The following DNAJC6 variants were observed in gnomAD, a reference collection of about 807,000 sequenced individuals.
DNAJC6 encodes the protein DnaJ heat shock protein family (Hsp40) member C6, also known as auxilin.
Under a neutral mutation model 110.0 loss-of-function variants are expected in DNAJC6, and 34 were observed. That is an observed-to-expected ratio of 0.31 (90% CI 0.24 to 0.41). The LOEUF is 0.41. Ranked by LOEUF, DNAJC6 falls within the 10% of genes least tolerant of loss-of-function variation. The pLI is 1.00. For synonymous variants in DNAJC6, 406 were observed against 437.2 expected, an observed-to-expected ratio of 0.93 and a Z score of 0.89; for missense variants, 1,031 against 1,207.8, an observed-to-expected ratio of 0.85 and a Z score of 2.17.
intron 1 of DNAJC6, among the ~76,000 whole-genome samples, chr1:65,363,203 TG>T (rs1278682130): frequency 1.3e-5 from 2 of 152,124 alleles, no homozygotes; most frequent in Non-Finnish European, 2.9e-5. Context: ...CCCTGACCCG[TG>T]GAGATTACAA....
intron 1 of DNAJC6, among the ~76,000 whole-genome samples, chr1:65,269,980 C>T (rs956110607): frequency 1.3e-5 from 2 of 152,246 alleles, no homozygotes; most frequent in Non-Finnish European, 2.9e-5. Flanking sequence ...ACCTTCTATA[C>T]TTTTCTGGGC....
chr1:65,282,895 T>C lies in DNAJC6; in HGVS notation c.-131+17963T>C, dbSNP rs75520284. Among the ~76,000 whole-genome samples the C allele has an allele frequency of 7.9e-5, 12 of 152,374 alleles. No individual in the cohort carries two copies. The East Asian group carries it at 2.3e-3, about 29-fold the overall frequency. On this transcript the variant is annotated intron_variant, in intron 1 of 19. Transcript: ENST00000263441. ...ACAATTATACCTCCAGTGTTTGATA[T>C]GGAACCTGGCATACATGAGTCATTC...
intron 4 of DNAJC6, among the ~76,000 whole-genome samples, 198 bp downstream of exon 4, chr1:65,366,394 A>G (rs1252981884): frequency 6.6e-6 from 1 of 152,186 alleles, no homozygotes; most frequent in Non-Finnish European, 1.5e-5. Flanking sequence ...TACTTACAGG[A>G]AAGTGTATCT....
intron 1 of DNAJC6, among the ~76,000 whole-genome samples, chr1:65,287,505 C>G (rs977779683): frequency 1.3e-5 from 2 of 152,138 alleles, no homozygotes; most frequent in African/African-American, 4.8e-5. Context: ...TCTTTTTAGA[C>G]TTTGGAGACT....
At chr1:65,366,344 G>A in intron 4 of DNAJC6, 148 bp downstream of exon 4, 1 of 849,656 alleles carries the variant, frequency 1.2e-6, no homozygotes, top group Non-Finnish European at 1.8e-6. Flanking sequence ...TATTTATTAG[G>A]CTGCTATGAG....
At position 65,413,923 on chromosome 1, in the gene DNAJC6, C is replaced by T. The variant is rs991644850; in HGVS notation, c.*898C>T. Reference sequence around the variant, plus strand: ...GGAAACAGGTGGTAAAGTAGTTTGGCCTGTTCACAACTTATCAGGACCAAT... The same window carrying T: ...GGAAACAGGTGGTAAAGTAGTTTGGTCTGTTCACAACTTATCAGGACCAAT... On this transcript the variant is annotated 3_prime_UTR_variant, in exon 19 of 19. Coordinates refer to ENST00000371069, the MANE Select transcript of DNAJC6 (RefSeq NM_001256864.2). The T allele has an allele frequency of 6.6e-6, 1 of 152,088 alleles. No homozygotes were observed. Among genetic ancestry groups the T allele is most frequent in the Admixed American group, 6.6e-5 (1 of 15,258 alleles). The allele number at this position is 152,088 out of a possible 1,614,324, so 9.4% of individuals were successfully genotyped here.
chr1:65,383,975 A>G, intron 5 of DNAJC6: 1 of 399,512 alleles, frequency 2.5e-6, no homozygotes, highest in Non-Finnish European at 4.3e-6. Context: ...CTCAGATTAG[A>G]ATCAATTTTA....
intron 11 of DNAJC6, among the ~76,000 whole-genome samples, chr1:65,391,368 A>G (rs1025458616): frequency 1.3e-5 from 2 of 152,146 alleles, no homozygotes; most frequent in Admixed American, 6.6e-5. Context: ...ATCTGGCATT[A>G]AATATCAAAT....
chr1:65,333,722 A>C (rs1370787135), intron 1 of DNAJC6, among the ~76,000 whole-genome samples: 1 of 152,098 alleles, frequency 6.6e-6, no homozygotes, highest in Non-Finnish European at 1.5e-5. Flanking sequence ...ATAACTGCAA[A>C]TTTTGTTTCA....
At chr1:65,291,213 A>G (rs1644872252) in intron 1 of DNAJC6, among the ~76,000 whole-genome samples, 1 of 152,264 alleles carries the variant, frequency 6.6e-6, no homozygotes, top group Admixed American at 6.5e-5. Context: ...TTGTATTTTT[A>G]TTAGAGACGG....
intron 4 of DNAJC6, among the ~76,000 whole-genome samples, chr1:65,368,717 C>CCCT (rs1645675397): frequency 3.5e-5 from 1 of 28,702 alleles, no homozygotes; most frequent in Non-Finnish European, 5.3e-5. Context: ...CTTCTTCTTC[C>CCCT]TCTTCTTCTT....
chr1:65,325,291 A>T (rs1453439100), intron 1 of DNAJC6, among the ~76,000 whole-genome samples: 5 of 152,256 alleles, frequency 3.3e-5, no homozygotes, highest in Non-Finnish European at 7.3e-5. Context: ...CAGATAAAAA[A>T]GGAAAAGAAA....
intron 5 of DNAJC6, 138 bp downstream of exon 5, chr1:65,379,662 G>A: frequency 7.9e-7 from 1 of 1,268,608 alleles, no homozygotes; most frequent in South Asian, 1.5e-5. Flanking sequence ...TAATGTGAGA[G>A]TTGTAAAAAT....
intron 4 of DNAJC6, among the ~76,000 whole-genome samples, chr1:65,371,886 A>C (rs1184440598): frequency 6.6e-6 from 1 of 152,108 alleles, no homozygotes; most frequent in Non-Finnish European, 1.5e-5. Flanking sequence ...GCAGTGATTG[A>C]ATTCCTTTTT....
intron 1 of DNAJC6, among the ~76,000 whole-genome samples, chr1:65,361,516 C>T (rs1367236888): frequency 6.6e-6 from 1 of 152,122 alleles, no homozygotes; most frequent in African/African-American, 2.4e-5. Context: ...AAAGAACAGC[C>T]ACCTGGCCAG....
At chr1:65,281,914 A>T (rs1009035438) in intron 1 of DNAJC6, among the ~76,000 whole-genome samples, 1 of 151,876 alleles carries the variant, frequency 6.6e-6, no homozygotes, top group African/African-American at 2.4e-5. Flanking sequence ...AGCCCTGTTT[A>T]AAATTTTTAT....
intron 9 of DNAJC6, among the ~76,000 whole-genome samples, chr1:65,388,650 G>A (rs1645894771): frequency 6.6e-6 from 1 of 152,184 alleles, no homozygotes; most frequent in African/African-American, 2.4e-5. Flanking sequence ...TTCTATGTGA[G>A]GGAATAAGGG....
At chr1:65,307,287 A>G (rs960466855), upstream of DNAJC6, among the ~76,000 whole-genome samples, 1 of 151,944 alleles carries the variant, frequency 6.6e-6, no homozygotes, top group African/African-American at 2.4e-5. Flanking sequence ...CTTCAATTTT[A>G]TAGGATTATT....
At chr1:65,400,794 G>A (rs7515643) in intron 14 of DNAJC6, among the ~76,000 whole-genome samples, 67,501 of 152,044 alleles carry the variant, frequency 0.44, 15,722 homozygotes, top group Middle Eastern at 0.58. Context: ...ATAAGCATGG[G>A]AGTGCAGATA....
Sources: allele counts gnomAD v4.1 joint callset (sites outside exome capture counted in the v4.1 genomes callset), GRCh38; gene constraint gnomAD v4.1.1; transcripts MANE v1.5; gene names NCBI Gene and HGNC (gene_info 2026-07-23, HGNC 2026-07-21).